Variants in GALNT17 observed in about 807,000 individuals in gnomAD.
GALNT17 encodes the protein UDP-GalNAc:polypeptide N-acetylgalactosaminyltransferase-like 3.
GALNT17 carries 29 observed loss-of-function variants against 63.7 expected under a neutral mutation model. The observed-to-expected ratio is 0.46, with a 90% CI of 0.34 to 0.62. The LOEUF is 0.62. Among genes scored for constraint, GALNT17 ranks in the 20% least tolerant of loss-of-function variants. GALNT17 has a pLI of 0.01. For synonymous variants in GALNT17, 305 were observed against 318.3 expected, an observed-to-expected ratio of 0.96 and a Z score of 0.45; for missense variants, 603 against 799.6, an observed-to-expected ratio of 0.75 and a Z score of 2.97.
At chr7:71,391,996 A>G (rs931505379) in intron 3 of GALNT17, among the ~76,000 whole-genome samples, 8 of 151,998 alleles carry the variant, frequency 5.3e-5, no homozygotes, top group Admixed American at 2.0e-4. Context: ...GAACTTCCTC[A>G]TTACCATGAA....
At chr7:71,486,435 C>G (rs1222334567) in intron 5 of GALNT17, among the ~76,000 whole-genome samples, 1 of 150,834 alleles carries the variant, frequency 6.6e-6, no homozygotes, top group Admixed American at 6.6e-5. Context: ...TTTGCAGTGA[C>G]AGATTCTCAT....
At chr7:71,412,565 G>A (rs534414735) in intron 3 of GALNT17, among the ~76,000 whole-genome samples, 2 of 152,068 alleles carry the variant, frequency 1.3e-5, no homozygotes, top group Non-Finnish European at 2.9e-5. Context: ...TAGAGACGGG[G>A]TTTCTCCATG....
chr7:71,562,100 T>A (rs1789266083), intron 5 of GALNT17, among the ~76,000 whole-genome samples: 1 of 152,020 alleles, frequency 6.6e-6, no homozygotes, highest in Admixed American at 6.6e-5. Flanking sequence ...GGAATACAGG[T>A]GCGCACCACC....
intron 5 of GALNT17, among the ~76,000 whole-genome samples, chr7:71,488,477 T>C (rs1265622805): frequency 2.0e-5 from 3 of 152,020 alleles, no homozygotes; most frequent in Non-Finnish European, 4.4e-5. Context: ...GTGGAGTTTC[T>C]TAAATGGGAA....
chr7:71,515,225 G>T (rs1206117127), intron 5 of GALNT17, among the ~76,000 whole-genome samples: 1 of 152,164 alleles, frequency 6.6e-6, no homozygotes, highest in African/African-American at 2.4e-5. Flanking sequence ...CAAAGAGAGA[G>T]AAATGCCTTA....
At chr7:71,611,728 A>G (rs528076193) in intron 6 of GALNT17, among the ~76,000 whole-genome samples, 10 of 152,286 alleles carry the variant, frequency 6.6e-5, no homozygotes, top group African/African-American at 2.2e-4. Flanking sequence ...ATCTAGTGCC[A>G]TGAAAATGCT....
rs528927802 is a variant in GALNT17, at chr7:71,317,978, A to G, written c.239-17572A>G. Among the ~76,000 whole-genome samples the G allele has an allele frequency of 5.9e-5, 9 of 151,756 alleles. No homozygotes were observed. The East Asian group carries it at 1.4e-3, about 23-fold the overall frequency. On this transcript the variant is annotated intron_variant, in intron 1 of 10. Transcript: ENST00000333538. ...ACCCTGTGGCCCAGGCTGGAGTGCAATGGTGTGATTGCAGCTCACTGAAGC... is the reference window on the plus strand; with the variant it reads ...ACCCTGTGGCCCAGGCTGGAGTGCAGTGGTGTGATTGCAGCTCACTGAAGC...
rs115104991 is a variant in GALNT17 at position 71,664,351 on chromosome 7, T to A, written c.1081-1060T>A. 3.0e-3 allele frequency among the ~76,000 whole-genome samples: 448 copies of A among 151,164 alleles called. 3 individuals are homozygous for A. Among genetic ancestry groups the A allele is most frequent in the African/African-American group, 9.9e-3 (409 of 41,138 alleles). On this transcript the variant is annotated intron_variant, in intron 6 of 10. Transcript: ENST00000333538. ...TAGGCTGGGAGTAGTGGCACATGCT[T>A]GTAATACCAACACTTTGGGAGGCCA...
chr7:71,666,873 C>G (rs370679779), intron 7 of GALNT17, among the ~76,000 whole-genome samples: 1 of 152,118 alleles, frequency 6.6e-6, no homozygotes, highest in South Asian at 2.1e-4. Flanking sequence ...TTGGTTGAAC[C>G]GATGGATGCA....
At chr7:71,440,911 C>T (rs1787054721) in intron 5 of GALNT17, among the ~76,000 whole-genome samples, 2 of 152,056 alleles carry the variant, frequency 1.3e-5, no homozygotes. Context: ...AGGTGTGTTA[C>T]GTTTGAGGCC....
intron 3 of GALNT17, among the ~76,000 whole-genome samples, chr7:71,415,043 T>G (rs924300806): frequency 1.3e-5 from 2 of 152,160 alleles, no homozygotes; most frequent in Non-Finnish European, 2.9e-5. Context: ...CAGGTCTTTC[T>G]CTGTTGCCCA....
chr7:71,178,460 A>G (rs1412577560), intron 1 of GALNT17, among the ~76,000 whole-genome samples: 1 of 151,986 alleles, frequency 6.6e-6, no homozygotes, highest in African/African-American at 2.4e-5. Context: ...TTGTAGGCCT[A>G]TTTCTTCACG....
At chr7:71,574,122 C>T (rs184007681) in intron 6 of GALNT17, among the ~76,000 whole-genome samples, 129 of 152,278 alleles carry the variant, frequency 8.5e-4, no homozygotes, top group Non-Finnish European at 1.3e-3. Flanking sequence ...AATGAACATA[C>T]GTGTGCATGT....
chr7:71,141,438 C>T (rs1338303446), intron 1 of GALNT17, among the ~76,000 whole-genome samples: 2 of 151,792 alleles, frequency 1.3e-5, no homozygotes, highest in South Asian at 2.1e-4. Flanking sequence ...CTTATTACCT[C>T]TGTGACCTTG....
intron 5 of GALNT17, among the ~76,000 whole-genome samples, chr7:71,555,649 G>T (rs1789152127): frequency 6.6e-6 from 1 of 151,256 alleles, no homozygotes; most frequent in Non-Finnish European, 1.5e-5. Flanking sequence ...CTCAACCCTG[G>T]TTGTGCTTTA....
chr7:71,169,296 CT>C (rs1325449289), intron 1 of GALNT17, among the ~76,000 whole-genome samples: 1 of 152,110 alleles, frequency 6.6e-6, no homozygotes, highest in African/African-American at 2.4e-5. Flanking sequence ...AGCATCCCCC[CT>C]AGGCTCTCTT....
chr7:71,304,774 A>C (rs1791259750), intron 1 of GALNT17, among the ~76,000 whole-genome samples: 1 of 148,416 alleles, frequency 6.7e-6, no homozygotes, highest in Middle Eastern at 3.5e-3. Context: ...TTTGAGATGG[A>C]GTTTTGCTCT....
chr7:71,142,266 TGA>T lies in GALNT17; in HGVS notation c.238+9230_238+9231del, dbSNP rs549039490. 2.2e-3 allele frequency among the ~76,000 whole-genome samples: 336 copies of T among 152,224 alleles called. 1 individual carries two copies. Among genetic ancestry groups the T allele is most frequent in the African/African-American group, 7.5e-3 (312 of 41,524 alleles). ...TTTGCTTTGTGAATGTCAGACGAGG[TGA>T]GAGGGGGTCCTTTTCCTTATAACTT... On this transcript the variant is annotated intron_variant, in intron 1 of 10. Transcript: ENST00000333538.
intron 1 of GALNT17, among the ~76,000 whole-genome samples, chr7:71,287,876 AC>A (rs1790902870): frequency 6.6e-6 from 1 of 151,470 alleles, no homozygotes; most frequent in South Asian, 2.1e-4. Flanking sequence ...ACATGGTGAA[AC>A]CCCATCTCCA....
Sources: gnomAD v4.1 joint callset for allele counts (sites outside exome capture counted in the v4.1 genomes callset) on GRCh38, gnomAD v4.1.1 for gene constraint, MANE v1.5 for transcripts, NCBI Gene and HGNC (gene_info 2026-07-23, HGNC 2026-07-21) for gene names.